Variants in KIRREL3 observed in about 807,000 individuals in gnomAD.
KIRREL3 encodes kirre like nephrin family adhesion molecule 3, also known as kin of IRRE-like protein 3.
In KIRREL3, 36 loss-of-function variants were observed where a neutral mutation model predicts 89.7. The ratio of observed to expected loss-of-function variants is 0.40; its 90% confidence interval spans 0.31 to 0.53. KIRREL3 has a LOEUF of 0.53. Ranked by LOEUF, KIRREL3 falls within the 20% of genes least tolerant of loss-of-function variation. KIRREL3 has a pLI of 0.49. For missense variants in KIRREL3, 864 were observed against 1,056.6 expected (o/e 0.82, Z 2.53); for synonymous variants, 445 against 441.4 (o/e 1.01, Z -0.10).
In KIRREL3 at chr11:126,615,631, G is replaced by A. The variant is rs999457669; in HGVS notation, c.56-52719C>T. Among the ~76,000 whole-genome samples the A allele has an allele frequency of 2.0e-5, 3 of 152,114 alleles. No homozygotes were observed. Among genetic ancestry groups the A allele is most frequent in the Non-Finnish European group, 4.4e-5 (3 of 68,024 alleles). On this transcript the variant is annotated intron_variant, in intron 1 of 16. Coordinates refer to ENST00000525144, the MANE Select transcript of KIRREL3 (RefSeq NM_032531.4). This position sits in a 1 kb window ranked among gnomAD's most constrained non-coding sequence, Gnocchi z 5.4. The stretch of plus-strand genomic sequence containing the variant: ...TGCCATGGCAATAAGTATGGATTGA[G>A]TTAGGACAGTCCCAGATGATGATGG...
chr11:126,869,079 C>T (rs1271269104), intron 1 of KIRREL3, among the ~76,000 whole-genome samples: 1 of 150,992 alleles, frequency 6.6e-6, no homozygotes, highest in Admixed American at 6.6e-5. Flanking sequence ...TTTGAGGGGA[C>T]ATAAACATTC....
intron 1 of KIRREL3, among the ~76,000 whole-genome samples, chr11:126,901,016 C>A (rs998748477): frequency 1.3e-5 from 2 of 151,974 alleles, no homozygotes; most frequent in African/African-American, 4.8e-5. Flanking sequence ...GAGTTCGAGA[C>A]CAGCCTGACA....
intron 9 of KIRREL3, among the ~76,000 whole-genome samples, chr11:126,446,014 G>A (rs1051741673): frequency 1.3e-5 from 2 of 152,058 alleles, no homozygotes; most frequent in African/African-American, 4.8e-5. Context: ...TGGGCGTGGT[G>A]GCCCATACCC....
chr11:126,956,002 G>T (rs1287809862), intron 1 of KIRREL3, among the ~76,000 whole-genome samples: 1 of 152,194 alleles, frequency 6.6e-6, no homozygotes, highest in East Asian at 1.9e-4. Context: ...GGGCCATGTT[G>T]CCTTCAGGGA....
intron 1 of KIRREL3, among the ~76,000 whole-genome samples, chr11:126,826,854 T>C (rs947298143): frequency 6.6e-6 from 1 of 152,208 alleles, no homozygotes; most frequent in African/African-American, 2.4e-5. Context: ...ACAAATGTTG[T>C]CATTAGGACA....
At chr11:126,507,698 T>C (rs1309513661) in intron 4 of KIRREL3, among the ~76,000 whole-genome samples, 2 of 152,240 alleles carry the variant, frequency 1.3e-5, no homozygotes, top group Admixed American at 6.5e-5. Flanking sequence ...ATTAAAGGGC[T>C]CCTTCATCTC....
In KIRREL3 at chr11:126,566,490, C is replaced by T. The variant is rs1940529387; in HGVS notation, c.56-3578G>A. On this transcript the variant is annotated intron_variant, in intron 1 of 16. Transcript: ENST00000525144. The surrounding 1 kb of genome is among the most constrained non-coding windows in gnomAD (Gnocchi z 4.9). ...AAAGGGCTGGCTACAAAATATGGGA[C>T]TGTGAAGGGTTCCTTCTGACTCGGG... Among the ~76,000 whole-genome samples, 1 of 152,158 alleles carries T rather than the reference C, an allele frequency of 6.6e-6. No individual in the cohort carries two copies. Among genetic ancestry groups the T allele is most frequent in the Non-Finnish European group, 1.5e-5 (1 of 68,040 alleles).
rs1460107470 is a variant in KIRREL3, at chr11:126,668,717, CTTT to C, written c.56-105808_56-105806del. ...TTTTTCTTTCTTTCTTTCTTTCTTT[CTTT>C]CTTTCTTTCTTTCTTTCTTTCTTTC... On this transcript the variant is annotated intron_variant, in intron 1 of 16. Transcript: ENST00000525144. This position sits in a 1 kb window ranked among gnomAD's most constrained non-coding sequence, Gnocchi z 4.4. Among the ~76,000 whole-genome samples, 3 of 98,772 alleles carry C rather than the reference CTTT, an allele frequency of 3.0e-5. No homozygotes were observed. The highest frequency in any genetic ancestry group is 6.9e-5 in the Non-Finnish European group (3 of 43,362). The allele number at this position is 98,772 out of a possible 152,430, so 64.8% of individuals were successfully genotyped here.
At chr11:126,451,757 T>C (rs117115754) in intron 7 of KIRREL3, among the ~76,000 whole-genome samples, 1 of 152,210 alleles carries the variant, frequency 6.6e-6, no homozygotes, top group Non-Finnish European at 1.5e-5. Flanking sequence ...TCCTTACGGA[T>C]CTCCAGGGAG....
At chr11:126,767,134 A>C (rs1045374676) in intron 1 of KIRREL3, among the ~76,000 whole-genome samples, 7 of 152,216 alleles carry the variant, frequency 4.6e-5, no homozygotes, top group Non-Finnish European at 1.0e-4. Context: ...AAAGACTGGG[A>C]GACAAAAGGA....
rs750457056 is a variant in KIRREL3, at chr11:126,427,876, G to A, written c.1806+1303C>T. 3.5e-4 allele frequency among the ~76,000 whole-genome samples: 54 copies of A among 152,198 alleles called. No homozygotes were observed. The highest frequency in any genetic ancestry group is 7.9e-4 in the Admixed American group (12 of 15,272). ...ATCCAGGGGAGCAATGATGAGGCCT[G>A]AAGTAAAGAAGTGATGGTGGAGGAC... On this transcript the variant is annotated intron_variant, in intron 15 of 16. Transcript: ENST00000525144. The surrounding 1 kb of genome is among the most constrained non-coding windows in gnomAD (Gnocchi z 5.3).
At chr11:126,856,555 GTATATATATA>G (rs36218965) in intron 1 of KIRREL3, among the ~76,000 whole-genome samples, 58 of 136,744 alleles carry the variant, frequency 4.2e-4, no homozygotes, top group Non-Finnish European at 3.4e-4. Context: ...ATTTTTCTAA[GTATATATATA>G]TATATATATA....
rs186251108 is a variant in KIRREL3, at chr11:126,433,158, C to T, written c.1589-1632G>A. Among the ~76,000 whole-genome samples, 976 of 152,306 alleles carry T rather than the reference C, an allele frequency of 6.4e-3. 10 individuals are homozygous for T. Among genetic ancestry groups the T allele is most frequent in the African/African-American group, 0.019 (798 of 41,544 alleles). ...CCTCCGAAAGTGCTGGGATTACAGG[C>T]GTGAGCCATCGTTCCCGATCAGCAG... On this transcript the variant is annotated intron_variant, in intron 13 of 16. Coordinates refer to ENST00000525144, the MANE Select transcript of KIRREL3 (RefSeq NM_032531.4).
At chr11:126,979,364 C>A (rs1381558200) in intron 1 of KIRREL3, among the ~76,000 whole-genome samples, 1 of 152,242 alleles carries the variant, frequency 6.6e-6, no homozygotes, top group African/African-American at 2.4e-5. Context: ...AAGTAATAGG[C>A]CTTAAGAACA....
rs1398118367 is a variant in KIRREL3, at chr11:126,764,996, G to T, written c.56-202084C>A. Reference sequence around the variant, plus strand: ...TTTTGAGGGTACAAATAGTATACAGGTCAAAAAGTAAAAGGTATCAGCTTA... The same window carrying T: ...TTTTGAGGGTACAAATAGTATACAGTTCAAAAAGTAAAAGGTATCAGCTTA... On this transcript the variant is annotated intron_variant, in intron 1 of 16. Coordinates refer to ENST00000525144, the MANE Select transcript of KIRREL3 (RefSeq NM_032531.4). This position sits in a 1 kb window ranked among gnomAD's most constrained non-coding sequence, Gnocchi z 4.2. Among the ~76,000 whole-genome samples the T allele has an allele frequency of 6.6e-6, 1 of 152,140 alleles. No homozygotes were observed. Among genetic ancestry groups the T allele is most frequent in the Non-Finnish European group, 1.5e-5 (1 of 68,030 alleles).
chr11:126,857,156 G>C lies in KIRREL3; in HGVS notation c.55+143299C>G, dbSNP rs550296831. Among the ~76,000 whole-genome samples the C allele has an allele frequency of 3.3e-5, 5 of 152,298 alleles. No homozygotes were observed. In the East Asian group the frequency reaches 7.7e-4, roughly 24 times the overall value. ...CATACACTGAAGGACATGAAGCCCA[G>C]TGGGGTGAGAGGGTGGAGAGCACAC... On this transcript the variant is annotated intron_variant, in intron 1 of 16. Transcript: ENST00000525144.
chr11:126,973,100 GAAAAAAAA>G (rs11449960), intron 1 of KIRREL3, among the ~76,000 whole-genome samples: 1 of 119,636 alleles, frequency 8.4e-6, no homozygotes, highest in Non-Finnish European at 1.6e-5. Flanking sequence ...AAGTTTTGAG[GAAAAAAAA>G]AAAAAAAAAA....
At chr11:126,646,355 G>A (rs1173770669) in intron 1 of KIRREL3, among the ~76,000 whole-genome samples, 1 of 152,034 alleles carries the variant, frequency 6.6e-6, no homozygotes, top group Admixed American at 6.5e-5. Flanking sequence ...TTTCTGATCT[G>A]CAGTTGACCT....
chr11:126,866,856 C>A (rs1944942574), intron 1 of KIRREL3, among the ~76,000 whole-genome samples: 1 of 152,166 alleles, frequency 6.6e-6, no homozygotes, highest in African/African-American at 2.4e-5. Context: ...CCATTCCATT[C>A]CCCTTGTGGC....
Sources: allele counts gnomAD v4.1 joint callset (sites outside exome capture counted in the v4.1 genomes callset), GRCh38; gene constraint gnomAD v4.1.1; non-coding constraint Gnocchi (gnomAD v3.1); transcripts MANE v1.5; gene names NCBI Gene and HGNC (gene_info 2026-07-23, HGNC 2026-07-21).